Variants in KLHL21 observed in about 807,000 individuals in gnomAD.
KLHL21 encodes the protein kelch-like protein 21.
In KLHL21, 42 loss-of-function variants were observed where a neutral mutation model predicts 44.1. The observed-to-expected ratio is 0.95, with a 90% CI of 0.74 to 1.23. The LOEUF (loss-of-function observed/expected upper bound fraction) is 1.23, where lower values mean the gene tolerates loss of function less well. Among genes scored for constraint, KLHL21 ranks in the 50% most tolerant of loss-of-function variants. The probability of loss-of-function intolerance (pLI) is 0.00; values close to 1 mark genes in which losing one functional copy is unlikely to be tolerated. For missense variants in KLHL21, 918 were observed against 889.1 expected (o/e 1.03, Z -0.41); for synonymous variants, 524 against 411.6 (o/e 1.27, Z -3.31).
rs142742017 is a variant in KLHL21, at chr1:6,595,135, C to T, written c.1500+350G>A. The stretch of plus-strand genomic sequence containing the variant: ...TGGGCTGCTGGTGTATCTAAGAACA[C>T]GCCAGGGTGCCCTGCTGCAGGGCCT... On this transcript the variant is annotated intron_variant, in intron 3 of 3. Coordinates refer to ENST00000377658, the MANE Select transcript of KLHL21 (RefSeq NM_014851.4). 7.4e-4 allele frequency: 398 copies of T among 540,548 alleles called. 2 individuals are homozygous for T. The East Asian group carries it at 0.01, about 14-fold the overall frequency. 33.5% of individuals were successfully genotyped at this position (540,548 alleles called of 1,614,324 possible).
In KLHL21 at chr1:6,592,960, C is replaced by A. The variant is rs750710747; in HGVS notation, c.*405G>T. 2 of 180,104 alleles carry A rather than the reference C, an allele frequency of 1.1e-5. No homozygotes were observed. Among genetic ancestry groups the A allele is most frequent in the African/African-American group, 4.7e-5 (2 of 42,712 alleles). 11.2% of individuals were successfully genotyped at this position (180,104 alleles called of 1,614,324 possible). ...GTCCGCTGCTCCAGGTTCAGGCCATCCTCAGCCTCATGGGAGGACCCCTTC... is the reference window on the plus strand; with the variant it reads ...GTCCGCTGCTCCAGGTTCAGGCCATACTCAGCCTCATGGGAGGACCCCTTC... On this transcript the variant is annotated 3_prime_UTR_variant, in exon 4 of 4. Coordinates refer to ENST00000377658, the MANE Select transcript of KLHL21 (RefSeq NM_014851.4).
chr1:6,596,711 G>A (rs1001276839), intron 2 of KLHL21, among the ~76,000 whole-genome samples: 9 of 152,218 alleles, frequency 5.9e-5, no homozygotes, highest in African/African-American at 2.2e-4. Context: ...AACCTGCTAG[G>A]CTGCCCTGTC....
rs570522930 is a variant in KLHL21, at chr1:6,596,197, G to C, written c.1428-640C>G. On this transcript the variant is annotated intron_variant, in intron 2 of 3. Transcript: ENST00000377658. ...GTGGAGTGCCTGAGGTCAGGAGTTC[G>C]AGACCAGTCTGGCCAACACGATGAA... Among the ~76,000 whole-genome samples the C allele has an allele frequency of 2.9e-4, 44 of 152,318 alleles. 1 individual carries two copies. The highest frequency in any genetic ancestry group is 1.0e-3 in the African/African-American group (42 of 41,568).
chr1:6,598,972 G>A (rs192066519), intron 2 of KLHL21, 75 bp downstream of exon 2: 32 of 1,403,330 alleles, frequency 2.3e-5, no homozygotes, highest in African/African-American at 2.9e-5. Flanking sequence ...AGGGAGAACA[G>A]CCATGATGTG....
At position 6,599,058 on chromosome 1, in the gene KLHL21, CAT is replaced by C. The variant is rs1483587330; in HGVS notation, c.1414_1415del (p.Met472ValfsTer6). 3 of 1,587,702 alleles carry C rather than the reference CAT, an allele frequency of 1.9e-6. No individual in the cohort carries two copies. Among genetic ancestry groups the C allele is most frequent in the African/African-American group, 1.3e-5 (1 of 74,608 alleles). ...APKTATLNGL[M>X]YFVRDDSAEV... ...CACCTGGAACTCACCTGACAAAGTA[CAT>C]GAGTCCGTTTAGAGTCGCAGTCTTG... On this transcript the variant is annotated frameshift_variant, in exon 2 of 4. Transcript: ENST00000377658. LOFTEE classifies it high-confidence loss of function.
chr1:6,598,624 C>T (rs932597224), intron 2 of KLHL21, among the ~76,000 whole-genome samples: 5 of 150,270 alleles, frequency 3.3e-5, no homozygotes, highest in African/African-American at 7.4e-5. Flanking sequence ...GGCTCACGCC[C>T]GTAATCCCAG....
rs1233216220 is a variant in KLHL21, at chr1:6,602,549, A to AGCAGCT, written c.263_268dup (p.Gln88_Leu89dup). The AGCAGCT allele has an allele frequency of 6.5e-7, 1 of 1,537,166 alleles. No individual in the cohort carries two copies. The highest frequency in any genetic ancestry group is 1.2e-5 in the South Asian group (1 of 84,048). On this transcript the variant is annotated inframe_insertion, in exon 1 of 4. Coordinates refer to ENST00000377658, the MANE Select transcript of KLHL21 (RefSeq NM_014851.4). ...GCGGCCCGTGTAGCTGAAGTCCAGCAGCAGCTGCAGCATGTCGGGAGGCAC... is the reference window on the plus strand; with the variant it reads ...GCGGCCCGTGTAGCTGAAGTCCAGCAGCAGCTGCAGCTGCAGCATGTCGGGAGGCAC...
chr1:6,593,902 C>A, intron 3 of KLHL21: 3 of 1,296,854 alleles, frequency 2.3e-6, no homozygotes, highest in Non-Finnish European at 2.9e-6. Context: ...CAGGCCTCCC[C>A]GTGTGCAGGT....
At chr1:6,598,480 G>T (rs1053623275) in intron 2 of KLHL21, among the ~76,000 whole-genome samples, 2 of 152,120 alleles carry the variant, frequency 1.3e-5, no homozygotes, top group African/African-American at 2.4e-5. Flanking sequence ...TGAGGCAGGA[G>T]AATGGCTTGA....
At chr1:6,600,344 G>T (rs553580475) in intron 1 of KLHL21, among the ~76,000 whole-genome samples, 63 of 152,224 alleles carry the variant, frequency 4.1e-4, no homozygotes, top group African/African-American at 1.4e-3. Flanking sequence ...CACCCGGCCC[G>T]TATTTTCAAT....
chr1:6,602,318 T>G lies in KLHL21; in HGVS notation c.500A>C (p.Glu167Ala), dbSNP rs1332719828. 6.4e-7 allele frequency: 1 copy of G among 1,554,628 alleles called. No individual in the cohort carries two copies. Among genetic ancestry groups the G allele is most frequent in the Non-Finnish European group, 8.6e-7 (1 of 1,156,720 alleles). The change falls in exon 1 of 4, where the codon GAG (glutamate) becomes GCG (alanine). Residue 167 changes from glutamate (E) to alanine (A), a missense_variant. Physicochemically the swap from Glu to Ala is moderately radical, Grantham distance 107 (BLOSUM62 -1). Transcript: ENST00000377658. The part of the protein sequence containing the change: ...AQRFILRHVG[E>A]LGAEQLERLP... ...CCGCTCCAGCTGCTCGGCGCCCAGCTCGCCCACGTGGCGCAGAATGAACCG... is the reference window on the plus strand; with the variant it reads ...CCGCTCCAGCTGCTCGGCGCCCAGCGCGCCCACGTGGCGCAGAATGAACCG...
Position 6,602,619 on chromosome 1 carries a change from C to T in KLHL21, c.199G>A (p.Gly67Arg). 1 of 1,520,656 alleles carries T rather than the reference C, an allele frequency of 6.6e-7. No individual in the cohort carries two copies. Among genetic ancestry groups the T allele is most frequent in the Non-Finnish European group, 8.8e-7 (1 of 1,139,972 alleles). 94.2% of individuals were successfully genotyped at this position (1,520,656 alleles called of 1,614,324 possible). A position where few individuals can be genotyped will look rare whatever the true frequency, so the allele number is the denominator to read the frequency against. ...ASPYFRAMFA[G>R]QLRESRAERV... ...TCGGCGCGGCTCTCGCGCAGCTGCC[C>T]CGCGAACATGGCGCGGAAGTAGGGG... The change falls in exon 1 of 4, where the codon GGG becomes AGG. Residue 67 changes from glycine to arginine, a missense_variant. Transcript: ENST00000377658.
chr1:6,593,745 C>T, intron 3 of KLHL21, 87 bp from the exon 4 acceptor site: 1 of 1,462,062 alleles, frequency 6.8e-7, no homozygotes, highest in Non-Finnish European at 9.0e-7. Flanking sequence ...ACAAGGCATG[C>T]CCTGTCAGTA....
chr1:6,595,960 C>T (rs1287836846), intron 2 of KLHL21, among the ~76,000 whole-genome samples: 2 of 152,226 alleles, frequency 1.3e-5, no homozygotes, highest in South Asian at 2.1e-4. Flanking sequence ...CTCCTTGCCA[C>T]TGTCCCCAAT....
chr1:6,601,693 G>GC (rs1186655219), intron 1 of KLHL21, 104 bp downstream of exon 1: 1 of 1,436,234 alleles, frequency 7.0e-7, no homozygotes, highest in Non-Finnish European at 9.2e-7. Context: ...ACTCAGGTGC[G>GC]CCCCTAGGAT....
In KLHL21 at chr1:6,595,470, C is replaced by T. The variant is rs373867987; in HGVS notation, c.1500+15G>A. The T allele has an allele frequency of 5.6e-4, 897 of 1,613,678 alleles. No homozygotes were observed. Among genetic ancestry groups the T allele is most frequent in the Non-Finnish European group, 6.9e-4 (819 of 1,179,680 alleles). ...CCAGCCTGTGCTTCCAATGCTGGCC[C>T]GCCTGAAAATTTACCTGATTCATGG... On this transcript the variant is annotated intron_variant, in intron 3 of 3. Coordinates refer to ENST00000377658, the MANE Select transcript of KLHL21 (RefSeq NM_014851.4).
chr1:6,599,276 C>A lies in KLHL21; in HGVS notation c.1198G>T (p.Asp400Tyr), dbSNP rs1640976674. 5 of 1,614,060 alleles carry A rather than the reference C, an allele frequency of 3.1e-6. No homozygotes were observed. The highest frequency in any genetic ancestry group is 4.2e-6 in the Non-Finnish European group (5 of 1,180,018). Reference sequence around the variant, plus strand: ...ATGGGCTGCAGGGCCTCCCAGGAGTCAGTGGTGTGGTCATAGCGCTCGGTG... The same window carrying A: ...ATGGGCTGCAGGGCCTCCCAGGAGTAAGTGGTGTGGTCATAGCGCTCGGTG... The part of the protein sequence containing the change: ...DSTERYDHTT[D>Y]SWEALQPMTY... The change falls in exon 2 of 4, where the codon GAC becomes TAC. Residue 400 changes from aspartate to tyrosine, a missense_variant. Asp to Tyr is a radical substitution (Grantham distance 160, BLOSUM62 -3). Coordinates refer to ENST00000377658, the MANE Select transcript of KLHL21 (RefSeq NM_014851.4).
rs1640876873 is a variant in KLHL21 at position 6,593,275 on chromosome 1, CCAA to C, written c.*87_*89del. The C allele has an allele frequency of 1.5e-5, 20 of 1,360,290 alleles. No homozygotes were observed. The South Asian group carries it at 2.4e-4, about 16-fold the overall frequency. 84.3% of individuals were successfully genotyped at this position (1,360,290 alleles called of 1,614,324 possible). The stretch of plus-strand genomic sequence containing the variant: ...AAGAGCCTGTGCTCCTCCTGTGAGC[CCAA>C]CGTGTCCTTGTGCACAAAGGAGTGG... On this transcript the variant is annotated 3_prime_UTR_variant, in exon 4 of 4. Transcript: ENST00000377658.
chr1:6,591,484 C>G lies in KLHL21; in HGVS notation c.*1881G>C, dbSNP rs901056838. On this transcript the variant is annotated 3_prime_UTR_variant, in exon 4 of 4. Transcript: ENST00000377658. ...AGATGCCCTGTGCTGGCAGTCATCA[C>G]AGTCTGGACAGCATGTCCTTCCGTG... 6 of 152,742 alleles carry G rather than the reference C, an allele frequency of 3.9e-5. No individual in the cohort carries two copies. In the Admixed American group the frequency reaches 3.9e-4, roughly 10 times the overall value. 9.5% of individuals were successfully genotyped at this position (152,742 alleles called of 1,614,324 possible).
Sources: allele counts gnomAD v4.1 joint callset (sites outside exome capture counted in the v4.1 genomes callset), GRCh38; gene constraint gnomAD v4.1.1; transcripts MANE v1.5; gene names NCBI Gene and HGNC (gene_info 2026-07-23, HGNC 2026-07-21).